IQSEC1: variants seen among roughly 807,000 people sequenced by gnomAD.
IQSEC1 encodes the protein IQ motif and Sec7 domain ArfGEF 1, also known as IQ motif and SEC7 domain-containing protein 1.
A neutral mutation model predicts 91.0 loss-of-function variants in IQSEC1; 31 were observed. The ratio of observed to expected loss-of-function variants is 0.34; its 90% CI spans 0.26 to 0.46. The LOEUF (loss-of-function observed/expected upper bound fraction) is 0.46, where lower values mean the gene tolerates loss of function less well. IQSEC1 is among the 20% of genes least tolerant of loss of function. The pLI, the probability that IQSEC1 is intolerant of heterozygous loss-of-function variation, is 1.00. For synonymous variants in IQSEC1, 699 were observed against 662.6 expected (o/e 1.05, Z -0.84); for missense variants, 1,388 against 1,575.6 (o/e 0.88, Z 2.02).
chr3:13,191,986 T>C (rs1213699379), intron 1 of IQSEC1, among the ~76,000 whole-genome samples: 1 of 152,228 alleles, frequency 6.6e-6, no homozygotes, highest in African/African-American at 2.4e-5. Flanking sequence ...CCCCTCTTCA[T>C]AATAAATATG....
In IQSEC1 at chr3:12,994,059, C is replaced by T. The variant is rs1414896855; in HGVS notation, c.24-52194G>A. 2.0e-5 allele frequency among the ~76,000 whole-genome samples: 3 copies of T among 147,628 alleles called. No homozygotes were observed. The highest frequency in any genetic ancestry group is 6.7e-5 in the Admixed American group (1 of 14,870). On this transcript the variant is annotated intron_variant, in intron 1 of 13. Coordinates refer to ENST00000613206, the MANE Select transcript of IQSEC1 (RefSeq NM_001134382.3). This position sits in a 1 kb window ranked among gnomAD's most constrained non-coding sequence, Gnocchi z 4.5. ...GCACCGCACCGGTCGCCGGGCGCGT[C>T]CCCCGCCGGCCCGCCTCCTACCTCG...
rs750811983 is a variant in IQSEC1 at position 13,141,719 on chromosome 3, G to GAA, written c.302+22384_302+22385insTT. 2.9e-3 allele frequency among the ~76,000 whole-genome samples: 449 copies of GAA among 152,328 alleles called. 1 individual carries two copies. Among genetic ancestry groups the GAA allele is most frequent in the Admixed American group, 6.7e-3 (102 of 15,304 alleles). On this transcript the variant is annotated intron_variant, in intron 2 of 15. Transcript: ENST00000648114. The stretch of plus-strand genomic sequence containing the variant: ...CTCCCCTCCTCGACCTACATATCAG[G>GAA]GGTCTGTGTTCTTCCTGGGAAATGC...
intron 1 of IQSEC1, among the ~76,000 whole-genome samples, chr3:12,976,273 G>A (rs115581231): frequency 0.012 from 1,872 of 152,318 alleles, 49 homozygotes; most frequent in African/African-American, 0.043. Flanking sequence ...AGCAGTGGCC[G>A]CCCCAGGAGG....
chr3:13,116,839 A>C (rs1017318680), intron 2 of IQSEC1, among the ~76,000 whole-genome samples: 1 of 152,164 alleles, frequency 6.6e-6, no homozygotes, highest in Non-Finnish European at 1.5e-5. Flanking sequence ...CTGACTCCCA[A>C]TGGGCCAAAG....
intron 1 of IQSEC1, among the ~76,000 whole-genome samples, chr3:13,171,340 C>T (rs1693607375): frequency 6.6e-6 from 1 of 152,220 alleles, no homozygotes; most frequent in African/African-American, 2.4e-5. Context: ...ATTGACTCAC[C>T]TCCAGAGGCA....
intron 1 of IQSEC1, among the ~76,000 whole-genome samples, chr3:13,277,824 C>T (rs576839595): frequency 1.3e-5 from 2 of 152,222 alleles, no homozygotes; most frequent in Non-Finnish European, 2.9e-5. Context: ...CTACAGCCCC[C>T]TCCTCTTTGC....
At chr3:12,963,898 T>G (rs1193642611) in intron 1 of IQSEC1, among the ~76,000 whole-genome samples, 1 of 152,230 alleles carries the variant, frequency 6.6e-6, no homozygotes, top group African/African-American at 2.4e-5. Context: ...AACAACGCAC[T>G]CCTCCAAGCC....
intron 3 of IQSEC1, among the ~76,000 whole-genome samples, chr3:12,928,483 G>A (rs1351837809): frequency 1.3e-5 from 2 of 152,182 alleles, no homozygotes; most frequent in African/African-American, 4.8e-5. Flanking sequence ...GTGGGGCTGG[G>A]AGTCTCCGCA....
At chr3:13,054,523 C>T (rs561492160) in intron 1 of IQSEC1, among the ~76,000 whole-genome samples, 34 of 152,336 alleles carry the variant, frequency 2.2e-4, no homozygotes, top group African/African-American at 7.2e-4. Context: ...AACAAGAGCA[C>T]GCTGGGTCTG....
chr3:13,113,464 G>A (rs1222385179), intron 2 of IQSEC1, among the ~76,000 whole-genome samples: 2 of 152,182 alleles, frequency 1.3e-5, no homozygotes, highest in African/African-American at 4.8e-5. Context: ...GAAGATGAGG[G>A]AAGTTGCAGC....
intron 1 of IQSEC1, among the ~76,000 whole-genome samples, chr3:13,011,112 G>T (rs1702864603): frequency 6.6e-6 from 1 of 151,066 alleles, no homozygotes; most frequent in African/African-American, 2.4e-5. Flanking sequence ...TTGTCTCACT[G>T]TATCATTTAA....
chr3:13,246,825 G>A (rs535616594), intron 1 of IQSEC1, among the ~76,000 whole-genome samples: 15 of 152,228 alleles, frequency 9.9e-5, no homozygotes, highest in Non-Finnish European at 2.2e-4. Flanking sequence ...CAGGAACAGC[G>A]AGCTATGAGC....
intron 1 of IQSEC1, among the ~76,000 whole-genome samples, chr3:12,993,448 G>A (rs58662847): frequency 3.3e-5 from 5 of 151,980 alleles, no homozygotes; most frequent in Non-Finnish European, 7.4e-5. Flanking sequence ...TCCGCCCGGA[G>A]GCAGCAGCGG....
At chr3:13,110,573 G>C (rs1706227165) in intron 2 of IQSEC1, among the ~76,000 whole-genome samples, 1 of 152,164 alleles carries the variant, frequency 6.6e-6, no homozygotes, top group Non-Finnish European at 1.5e-5. Context: ...TGGCAACAGA[G>C]CGAGACTTCG....
At chr3:12,960,442 G>A (rs1700174762) in intron 1 of IQSEC1, 1 of 152,212 alleles carries the variant, frequency 6.6e-6, no homozygotes. Context: ...CACAGCTGGG[G>A]CCTGCAGGTT....
intron 1 of IQSEC1, among the ~76,000 whole-genome samples, chr3:13,221,276 C>T (rs1694654431): frequency 6.6e-6 from 1 of 152,184 alleles, no homozygotes; most frequent in South Asian, 2.1e-4. Context: ...AGCCCGCCTG[C>T]TCTGGGGGCA....
intron 1 of IQSEC1, among the ~76,000 whole-genome samples, chr3:13,012,809 C>T (rs76321354): frequency 0.021 from 3,180 of 152,164 alleles, 123 homozygotes; most frequent in African/African-American, 0.072. Context: ...GCAATGAAAC[C>T]CCTTTTCTGC....
intron 1 of IQSEC1, among the ~76,000 whole-genome samples, chr3:13,243,919 C>T (rs1321503318): frequency 2.0e-5 from 3 of 152,248 alleles, no homozygotes; most frequent in Admixed American, 1.3e-4. Context: ...CCCTCCTCTG[C>T]AAAGTGGAGA....
intron 1 of IQSEC1, among the ~76,000 whole-genome samples, chr3:12,985,316 G>A (rs531118287): frequency 6.6e-6 from 1 of 152,272 alleles, no homozygotes; most frequent in South Asian, 2.1e-4. Flanking sequence ...GAGAGGGCCA[G>A]GGCTGCCTCA....
Sources: allele counts gnomAD v4.1 joint callset (sites outside exome capture counted in the v4.1 genomes callset), GRCh38; gene constraint gnomAD v4.1.1; non-coding constraint Gnocchi (gnomAD v3.1); transcripts MANE v1.5; gene names NCBI Gene and HGNC (gene_info 2026-07-23, HGNC 2026-07-21).